Variants in NXNL2 observed in about 807,000 individuals in gnomAD.
The protein encoded by NXNL2 is nucleoredoxin-like protein 2.
NXNL2 carries 7 observed loss-of-function variants against 11.1 expected under a neutral mutation model. The ratio of observed to expected loss-of-function variants is 0.63; its 90% CI spans 0.36 to 1.18. The LOEUF (loss-of-function observed/expected upper bound fraction) is 1.18. Among genes scored for constraint, NXNL2 ranks in the 50% most tolerant of loss-of-function variants. The probability of loss-of-function intolerance (pLI) is 0.02; values close to 1 mark genes in which losing one functional copy is unlikely to be tolerated. For synonymous variants in NXNL2, 109 were observed against 101.8 expected (o/e 1.07, Z -0.42); for missense variants, 233 against 217.7 (o/e 1.07, Z -0.44).
intron 1 of NXNL2, among the ~76,000 whole-genome samples, chr9:88,540,671 C>T (rs1400218884): frequency 6.6e-6 from 1 of 151,972 alleles, no homozygotes; most frequent in African/African-American, 2.4e-5. Flanking sequence ...TTTATTTTTT[C>T]CCACTTTTCC....
downstream of NXNL2, among the ~76,000 whole-genome samples, chr9:88,578,243 G>C (rs1587858612): frequency 6.6e-6 from 1 of 152,136 alleles, no homozygotes; most frequent in Non-Finnish European, 1.5e-5. Flanking sequence ...GAGGGTTCCC[G>C]GACCCCAGGT....
chr9:88,573,919 G>C (rs1239265593), intron 2 of NXNL2, among the ~76,000 whole-genome samples: 1 of 152,214 alleles, frequency 6.6e-6, no homozygotes, highest in Non-Finnish European at 1.5e-5. Context: ...AAGGCACCGT[G>C]AGATACCACC....
At chr9:88,556,584 A>G (rs551770288) in intron 1 of NXNL2, among the ~76,000 whole-genome samples, 4 of 152,222 alleles carry the variant, frequency 2.6e-5, no homozygotes, top group Non-Finnish European at 4.4e-5. Flanking sequence ...TGGCTATAAA[A>G]GCATCAAGGA....
At chr9:88,566,090 T>A (rs1429642348) in intron 1 of NXNL2, among the ~76,000 whole-genome samples, 3 of 152,204 alleles carry the variant, frequency 2.0e-5, no homozygotes, top group Non-Finnish European at 4.4e-5. Context: ...GAAATCAGCC[T>A]CTTATCAGAT....
At chr9:88,570,893 C>T (rs550471939) in intron 1 of NXNL2, among the ~76,000 whole-genome samples, 8 of 151,900 alleles carry the variant, frequency 5.3e-5, no homozygotes, top group South Asian at 2.1e-4. Flanking sequence ...CAGGAGTGCA[C>T]CACCATGCCT....
In NXNL2 at chr9:88,544,846, A is replaced by T; in HGVS notation, c.*299A>T. 1 of 1,071,784 alleles carries T rather than the reference A, an allele frequency of 9.3e-7. No individual in the cohort carries two copies. The highest frequency in any genetic ancestry group is 1.1e-6 in the Non-Finnish European group (1 of 884,978). The allele number at this position is 1,071,784 out of a possible 1,614,324, so 66.4% of individuals were successfully genotyped here. A position where few individuals can be genotyped will look rare whatever the true frequency, so the allele number is the denominator to read the frequency against. ...CTGAGCTGTTGGAAATCTATGCAAG[A>T]CATTTATTTGTACAAGTCTCTTCAG... On this transcript the variant is annotated 3_prime_UTR_variant, in exon 2 of 2. Coordinates refer to ENST00000375854, the MANE Select transcript of NXNL2 (RefSeq NM_001161625.2).
At chr9:88,555,154 G>A (rs1008265808) in intron 1 of NXNL2, among the ~76,000 whole-genome samples, 2 of 152,242 alleles carry the variant, frequency 1.3e-5, no homozygotes, top group African/African-American at 4.8e-5. Context: ...GAATTCAAGA[G>A]TGAGCTGACA....
At chr9:88,566,994 A>G (rs1212279370) in intron 1 of NXNL2, among the ~76,000 whole-genome samples, 3 of 150,566 alleles carry the variant, frequency 2.0e-5, no homozygotes, top group African/African-American at 4.9e-5. Context: ...CTATCTATCT[A>G]TCTATCTATC....
intron 1 of NXNL2, among the ~76,000 whole-genome samples, chr9:88,564,261 TC>T (rs1830131895): frequency 7.5e-6 from 1 of 133,224 alleles, no homozygotes; most frequent in African/African-American, 3.0e-5. Flanking sequence ...TATCTATCTA[TC>T]TATCTGTCTA....
intron 1 of NXNL2, among the ~76,000 whole-genome samples, chr9:88,568,205 G>A (rs937617556): frequency 1.2e-4 from 18 of 152,320 alleles, no homozygotes; most frequent in African/African-American, 4.1e-4. Context: ...AATATGGCTA[G>A]TGCAACTAAC....
At chr9:88,566,393 T>C (rs1392504155) in intron 1 of NXNL2, among the ~76,000 whole-genome samples, 1 of 151,932 alleles carries the variant, frequency 6.6e-6, no homozygotes, top group Non-Finnish European at 1.5e-5. Context: ...ACCTCTGCCT[T>C]CCGCGTTCAA....
downstream of NXNL2, among the ~76,000 whole-genome samples, chr9:88,576,371 GA>G (rs1830349081): frequency 6.6e-6 from 1 of 152,176 alleles, no homozygotes; most frequent in African/African-American, 2.4e-5. Context: ...TCACGTTGGG[GA>G]CTCACACTTA....
chr9:88,565,955 T>A (rs886090850), intron 1 of NXNL2, among the ~76,000 whole-genome samples: 4 of 152,264 alleles, frequency 2.6e-5, no homozygotes, highest in Non-Finnish European at 5.9e-5. Flanking sequence ...TCTTTTCATA[T>A]ACCTGTTTGC....
chr9:88,567,702 C>T lies in NXNL2; in HGVS notation c.303-3385C>T, dbSNP rs899375689. ...CTTAGGGAATAATCTGTCTTTCTCC[C>T]GCTAATAAAATAAGACACTAATATG... is the stretch of plus-strand genomic sequence containing the variant. On this transcript the variant is annotated intron_variant, in intron 1 of 2. Coordinates refer to the NXNL2 transcript ENST00000375855. 3.9e-5 allele frequency among the ~76,000 whole-genome samples: 6 copies of T among 152,156 alleles called. No individual in the cohort carries two copies. In the South Asian group the frequency reaches 8.3e-4, roughly 21 times the overall value.
At chr9:88,566,449 C>A (rs1028583141) in intron 1 of NXNL2, among the ~76,000 whole-genome samples, 2 of 152,024 alleles carry the variant, frequency 1.3e-5, no homozygotes, top group Non-Finnish European at 2.9e-5. Context: ...ACTGCAGGCA[C>A]GCACCACCAC....
chr9:88,540,989 A>G (rs1208187736), intron 1 of NXNL2, among the ~76,000 whole-genome samples: 1 of 124,678 alleles, frequency 8.0e-6, no homozygotes, highest in Non-Finnish European at 1.6e-5. Context: ...ACCATCATCC[A>G]GGCTGGAGTG....
downstream of NXNL2, among the ~76,000 whole-genome samples, chr9:88,548,568 G>T (rs1343008473): frequency 6.7e-6 from 1 of 148,262 alleles, no homozygotes; most frequent in Non-Finnish European, 1.5e-5. Context: ...TGCATCTGTA[G>T]TCCCAGCTAC....
intron 1 of NXNL2, among the ~76,000 whole-genome samples, chr9:88,568,303 CA>C (rs1830207992): frequency 6.6e-6 from 1 of 152,174 alleles, no homozygotes; most frequent in Admixed American, 6.5e-5. Flanking sequence ...TGGGATGGCA[CA>C]GGGGGATCCA....
downstream of NXNL2, among the ~76,000 whole-genome samples, chr9:88,545,394 G>A (rs189474474): frequency 6.6e-6 from 1 of 152,066 alleles, no homozygotes; most frequent in East Asian, 1.9e-4. Flanking sequence ...TGAAAATACC[G>A]ATACCCATCT....
Sources: gnomAD v4.1 joint callset for allele counts (sites outside exome capture counted in the v4.1 genomes callset) on GRCh38, gnomAD v4.1.1 for gene constraint, MANE v1.5 for transcripts, NCBI Gene and HGNC (gene_info 2026-07-23, HGNC 2026-07-21) for gene names.